PRPF3: variants seen among roughly 807,000 people sequenced by gnomAD.
PRPF3 encodes U4/U6 small nuclear ribonucleoprotein Prp3.
PRPF3 carries 3 observed loss-of-function variants against 89.2 expected under a neutral mutation model. The ratio of observed to expected loss-of-function variants is 0.03; its 90% CI spans 0.02 to 0.09. The LOEUF is 0.09. Ranked by LOEUF, PRPF3 falls within the 10% of genes least tolerant of loss-of-function variation. The pLI, the probability that PRPF3 is intolerant of heterozygous loss-of-function variation, is 1.00. For missense variants in PRPF3, 463 were observed against 828.8 expected, an observed-to-expected ratio of 0.56 and a Z score of 5.42; for synonymous variants, 270 against 289.1, an observed-to-expected ratio of 0.93 and a Z score of 0.67.
At chr1:150,337,087 G>C (rs1282658750) in intron 7 of PRPF3, among the ~76,000 whole-genome samples, 1 of 144,160 alleles carries the variant, frequency 6.9e-6, no homozygotes, top group Admixed American at 7.2e-5. Context: ...CACCCAGGCT[G>C]CAGTGCAGTG....
At chr1:150,325,925 A>G in intron 3 of PRPF3, 44 bp downstream of exon 3, 1 of 1,604,086 alleles carries the variant, frequency 6.2e-7, no homozygotes, top group South Asian at 1.1e-5. Context: ...ACTGTTTTGA[A>G]TGGTAACAGA....
chr1:150,345,916 A>G (rs1553872823), intron 12 of PRPF3, 102 bp from the exon 13 acceptor site: 6 of 876,774 alleles, frequency 6.8e-6, no homozygotes. Context: ...GCCTTTGTTT[A>G]TAGAGAGGAA....
chr1:150,352,638 C>T (rs1406105999), intron 15 of PRPF3, among the ~76,000 whole-genome samples, 195 bp from the exon 16 acceptor site: 1 of 152,180 alleles, frequency 6.6e-6, no homozygotes, highest in Non-Finnish European at 1.5e-5. Flanking sequence ...GCACTCCAGC[C>T]TGGGCGACAG....
intron 1 of PRPF3, among the ~76,000 whole-genome samples, chr1:150,322,957 C>T (rs1055074756): frequency 6.6e-6 from 1 of 151,480 alleles, no homozygotes; most frequent in South Asian, 2.1e-4. Flanking sequence ...TCACTGCAAC[C>T]TCCGCCTTCC....
At chr1:150,328,295 T>G in intron 3 of PRPF3, 25 bp from the exon 4 acceptor site, 1 of 1,613,578 alleles carries the variant, frequency 6.2e-7, no homozygotes, top group Non-Finnish European at 8.5e-7. Context: ...GGATACAGCT[T>G]TTCTTTCATC....
chr1:150,335,390 A>C, intron 7 of PRPF3, 149 bp downstream of exon 7: 2 of 923,198 alleles, frequency 2.2e-6, no homozygotes, highest in Non-Finnish European at 3.3e-6. Flanking sequence ...GACTTGTTTC[A>C]TGGAAGATAA....
Position 150,324,979 on chromosome 1 carries a change from C to G in PRPF3, c.37C>G (p.Pro13Ala). 1 of 1,611,938 alleles carries G rather than the reference C, an allele frequency of 6.2e-7. No homozygotes were observed. The highest frequency in any genetic ancestry group is 8.5e-7 in the Non-Finnish European group (1 of 1,179,210). The change falls in exon 2 of 16, where the codon CCA (proline) becomes GCA (alanine). Residue 13 changes from proline to alanine, a missense_variant. Transcript: ENST00000324862. ...LSKRELDELK[P>A]WIEKTVKRVL... The stretch of plus-strand genomic sequence containing the variant: ...AAAGAGGGAGCTGGATGAGCTGAAA[C>G]CATGGATAGAGAAGACAGTGAAGAG...
intron 13 of PRPF3, 116 bp from the exon 14 acceptor site, chr1:150,346,292 C>T (rs1386509890): frequency 2.4e-6 from 3 of 1,265,800 alleles, no homozygotes; most frequent in Non-Finnish European, 3.5e-6. Flanking sequence ...AGTAGAAGGC[C>T]CTAAGATGTG....
intron 4 of PRPF3, among the ~76,000 whole-genome samples, chr1:150,331,699 A>G (rs1656421241): frequency 6.6e-6 from 1 of 152,154 alleles, no homozygotes; most frequent in Non-Finnish European, 1.5e-5. Flanking sequence ...TATATCACCT[A>G]TTCAAGAAAA....
chr1:150,335,094 A>G lies in PRPF3; in HGVS notation c.888A>G (p.Gln296=), dbSNP rs781940967. The G allele has an allele frequency of 2.5e-6, 4 of 1,614,108 alleles. No individual in the cohort carries two copies. Among genetic ancestry groups the G allele is most frequent in the Non-Finnish European group, 3.4e-6 (4 of 1,180,022 alleles). Residue 296 remains glutamine, a synonymous_variant, in exon 7 of 16, where the codon CAA becomes CAG. Coordinates refer to ENST00000324862, the MANE Select transcript of PRPF3 (RefSeq NM_004698.4). ...RAVKREQFKQ[Q]LKEKPSEDME... is the part of the protein sequence containing the mutation. ...TGAAGAGGGAACAATTCAAGCAACA[A>G]CTAAAGGAAAAGCCATCAGAAGACA...
intron 14 of PRPF3, among the ~76,000 whole-genome samples, chr1:150,347,407 TG>T (rs1481332714): frequency 3.3e-5 from 5 of 151,922 alleles, no homozygotes; most frequent in Non-Finnish European, 5.9e-5. Context: ...CCAATAAACC[TG>T]AGATAAATTG....
intron 14 of PRPF3, among the ~76,000 whole-genome samples, chr1:150,346,728 C>A (rs1288139378): frequency 6.6e-6 from 1 of 152,134 alleles, no homozygotes; most frequent in African/African-American, 2.4e-5. Flanking sequence ...GGCTTTTCTA[C>A]CAGCTGGTTT....
rs77408095 is a variant in PRPF3, at chr1:150,341,007, A to C, written c.1282+530A>C. Among the ~76,000 whole-genome samples, 890 of 144,292 alleles carry C rather than the reference A, an allele frequency of 6.2e-3. 6 individuals carry two copies. Among genetic ancestry groups the C allele is most frequent in the African/African-American group, 0.021 (836 of 39,154 alleles). 94.7% of individuals were successfully genotyped at this position (144,292 alleles called of 152,430 possible). On this transcript the variant is annotated intron_variant, in intron 9 of 15. Coordinates refer to ENST00000324862, the MANE Select transcript of PRPF3 (RefSeq NM_004698.4). ...GTAGTCCCAGCCTCTTGGGAGGCTG[A>C]GGTGTGGAGGATGGCTTGAGCCTGG... is the stretch of plus-strand genomic sequence containing the variant.
intron 1 of PRPF3, among the ~76,000 whole-genome samples, chr1:150,324,041 A>G (rs1553862999): frequency 6.6e-6 from 1 of 151,910 alleles, no homozygotes. Flanking sequence ...AGCCTCCCAA[A>G]GTGCTGGGAT....
chr1:150,337,322 A>G (rs2101986945), intron 7 of PRPF3, among the ~76,000 whole-genome samples: 1 of 151,754 alleles, frequency 6.6e-6, no homozygotes, highest in African/African-American at 2.4e-5. Context: ...TACAGGCGTG[A>G]GCCACCACAC....
Position 150,350,960 on chromosome 1 carries a change from TA to T in PRPF3, c.1905+1754del, listed in dbSNP as rs781790248. 2.0e-3 allele frequency among the ~76,000 whole-genome samples: 249 copies of T among 125,858 alleles called. 3 individuals are homozygous for T. Among genetic ancestry groups the T allele is most frequent in the South Asian group, 0.01 (42 of 4,014 alleles). The allele number at this position is 125,858 out of a possible 152,430, so 82.6% of individuals were successfully genotyped here. On this transcript the variant is annotated intron_variant, in intron 15 of 15. Coordinates refer to ENST00000324862, the MANE Select transcript of PRPF3 (RefSeq NM_004698.4). ...TGGGCACCAGAGTGAAACCCTGTCT[TA>T]AAAAAAAAAAAGAAAAAGTCTCAGG...
At position 150,346,462 on chromosome 1, in the gene PRPF3, A is replaced by C. The variant is rs1553872975; in HGVS notation, c.1814A>C (p.Asp605Ala). 1 of 1,613,902 alleles carries C rather than the reference A, an allele frequency of 6.2e-7. No homozygotes were observed. The highest frequency in any genetic ancestry group is 8.5e-7 in the Non-Finnish European group (1 of 1,179,828). ...KRLMLHRIKWDEQTSNTKGDD... is the reference protein window; with the variant it reads ...KRLMLHRIKWAEQTSNTKGDD... ...CTTATGCTGCATCGGATAAAGTGGGATGAACAGACATCTAACACAAAGGGA... is the reference window on the plus strand; with the variant it reads ...CTTATGCTGCATCGGATAAAGTGGGCTGAACAGACATCTAACACAAAGGGA... Residue 605 changes from aspartate (D) to alanine (A), a missense_variant, in exon 14 of 16, where the codon GAT becomes GCT. Physicochemically the swap from Asp to Ala is moderately radical, Grantham distance 126. This residue lies in a region of PRPF3 where 78 missense variants were observed against 96.6 expected (regional missense o/e 0.81). Transcript: ENST00000324862.
chr1:150,342,505 T>TAC (rs147409085), intron 9 of PRPF3, among the ~76,000 whole-genome samples: 37,192 of 150,862 alleles, frequency 0.25, 5,670 homozygotes, highest in Non-Finnish European at 0.35. Context: ...TTAAAGTTTA[T>TAC]ACACACACAC....
chr1:150,344,397 C>T, intron 11 of PRPF3, 37 bp from the exon 12 acceptor site: 1 of 1,614,170 alleles, frequency 6.2e-7, no homozygotes, highest in Non-Finnish European at 8.5e-7. Flanking sequence ...ATCTTCAATG[C>T]CTTTCTCACT....
Sources: allele counts gnomAD v4.1 joint callset (sites outside exome capture counted in the v4.1 genomes callset), GRCh38; gene constraint gnomAD v4.1.1; regional missense constraint gnomAD v4.1.1; transcripts MANE v1.5; gene names NCBI Gene and HGNC (gene_info 2026-07-23, HGNC 2026-07-21).